Variants in AGBL4 observed in about 807,000 individuals in gnomAD.
AGBL4 encodes the protein cytosolic carboxypeptidase 6.
AGBL4 carries 58 observed loss-of-function variants against 66.4 expected under a neutral mutation model. The observed-to-expected ratio is 0.87, with a 90% confidence interval of 0.71 to 1.09. The LOEUF is 1.09. AGBL4 is among the 50% of genes least tolerant of loss of function. The probability of loss-of-function intolerance (pLI) is 0.00; values close to 1 mark genes in which losing one functional copy is unlikely to be tolerated. For missense variants in AGBL4, 579 were observed against 631.0 expected, an observed-to-expected ratio of 0.92 and a Z score of 0.88; for synonymous variants, 234 against 222.9, an observed-to-expected ratio of 1.05 and a Z score of -0.44.
At chr1:49,806,292 G>A (rs960392991) in intron 2 of AGBL4, among the ~76,000 whole-genome samples, 1 of 152,172 alleles carries the variant, frequency 6.6e-6, no homozygotes, top group Non-Finnish European at 1.5e-5. Flanking sequence ...ATGCAAAATG[G>A]AGAAAGGCAA....
intron 5 of AGBL4, among the ~76,000 whole-genome samples, chr1:49,010,450 C>G (rs1349642718): frequency 2.9e-5 from 4 of 137,690 alleles, no homozygotes; most frequent in Non-Finnish European, 6.2e-5. Context: ...AATGGCCATA[C>G]TGCCCAAGGT....
chr1:49,652,552 C>T (rs1371382518), intron 3 of AGBL4, among the ~76,000 whole-genome samples: 1 of 152,144 alleles, frequency 6.6e-6, no homozygotes, highest in African/African-American at 2.4e-5. Context: ...CAGTGAGGCA[C>T]AGCAGGCTGG....
chr1:49,556,709 C>T lies in AGBL4; in HGVS notation c.282+140604G>A, dbSNP rs75097381. Among the ~76,000 whole-genome samples, 111 of 152,104 alleles carry T rather than the reference C, an allele frequency of 7.3e-4. 4 individuals are homozygous for T. In the East Asian group the frequency reaches 0.018, roughly 24 times the overall value. On this transcript the variant is annotated intron_variant, in intron 3 of 13. Transcript: ENST00000371839. ...CTGCTAGTCCAGTGCTAGGTGCCGG[C>T]ACTCTTCAGCCCTTGGGCCGTCCAT...
At chr1:49,933,793 A>C (rs1295910290) in intron 1 of AGBL4, among the ~76,000 whole-genome samples, 1 of 152,150 alleles carries the variant, frequency 6.6e-6, no homozygotes, top group East Asian at 1.9e-4. Flanking sequence ...AAAGAAAAAG[A>C]GAAAGGAGTA....
At chr1:49,844,965 T>C in intron 2 of AGBL4, 1 of 1,375,172 alleles carries the variant, frequency 7.3e-7, no homozygotes, top group Non-Finnish European at 1.0e-6. Context: ...ATTTCCTACA[T>C]CAACCAATGA....
chr1:49,879,673 C>T (rs1266729245), intron 1 of AGBL4, among the ~76,000 whole-genome samples: 5 of 140,936 alleles, frequency 3.5e-5, no homozygotes, highest in East Asian at 2.0e-4. Flanking sequence ...ATCTTTATGG[C>T]GTTCTCTGTA....
chr1:48,768,988 T>C (rs1048574859), intron 6 of AGBL4, among the ~76,000 whole-genome samples: 17 of 152,234 alleles, frequency 1.1e-4, no homozygotes, highest in African/African-American at 4.1e-4. Context: ...TGCTGTGGTG[T>C]TGCAGAAAGA....
intron 6 of AGBL4, among the ~76,000 whole-genome samples, chr1:48,789,089 T>C (rs1645476720): frequency 6.6e-6 from 1 of 152,024 alleles, no homozygotes; most frequent in Non-Finnish European, 1.5e-5. Context: ...GCAACTGAGG[T>C]TCAGAGAGGG....
At chr1:49,130,330 T>G (rs902863829) in intron 4 of AGBL4, among the ~76,000 whole-genome samples, 14 of 152,228 alleles carry the variant, frequency 9.2e-5, no homozygotes, top group Non-Finnish European at 1.6e-4. Flanking sequence ...AGATCCCATT[T>G]GTCAATTTTG....
Position 49,650,638 on chromosome 1 carries a change from G to T in AGBL4, c.282+46675C>A, listed in dbSNP as rs544286771. 6.0e-4 allele frequency among the ~76,000 whole-genome samples: 91 copies of T among 152,310 alleles called. 1 individual carries two copies. In the South Asian group the frequency reaches 0.018, roughly 31 times the overall value. On this transcript the variant is annotated intron_variant, in intron 3 of 13. Coordinates refer to ENST00000371839, the MANE Select transcript of AGBL4 (RefSeq NM_032785.4). Reference sequence around the variant, plus strand: ...CCAGATCCCCTGCAAATATACCACAGACTCTTCTCTGACTTTGGCAACTAC... The same window carrying T: ...CCAGATCCCCTGCAAATATACCACATACTCTTCTCTGACTTTGGCAACTAC...
intron 3 of AGBL4, among the ~76,000 whole-genome samples, chr1:49,473,114 T>G (rs1646778572): frequency 6.6e-6 from 1 of 152,128 alleles, no homozygotes; most frequent in African/African-American, 2.4e-5. Context: ...GAGATAATCA[T>G]GCAAATGCAT....
intron 6 of AGBL4, among the ~76,000 whole-genome samples, chr1:48,746,967 C>A (rs1650868279): frequency 6.6e-6 from 1 of 152,130 alleles, no homozygotes; most frequent in African/African-American, 2.4e-5. Flanking sequence ...CAGGGAGGGC[C>A]CCTAGTGCTT....
chr1:49,650,704 A>C (rs748578591), intron 3 of AGBL4, among the ~76,000 whole-genome samples: 6 of 152,202 alleles, frequency 3.9e-5, no homozygotes, highest in Non-Finnish European at 8.8e-5. Flanking sequence ...GGATCCCTTC[A>C]ACATGGGCTG....
chr1:49,152,605 G>A (rs1469545211), intron 4 of AGBL4, among the ~76,000 whole-genome samples: 1 of 152,228 alleles, frequency 6.6e-6, no homozygotes, highest in Admixed American at 6.5e-5. Flanking sequence ...TGGAGCCTTA[G>A]AAGAGGTATT....
intron 5 of AGBL4, among the ~76,000 whole-genome samples, chr1:48,869,659 G>A (rs1225258989): frequency 6.6e-6 from 1 of 152,118 alleles, no homozygotes; most frequent in Admixed American, 6.5e-5. Context: ...ATGAGCAAGT[G>A]AGACTGAAAT....
chr1:49,756,526 A>G (rs1251025077), intron 2 of AGBL4, among the ~76,000 whole-genome samples: 3 of 152,218 alleles, frequency 2.0e-5, no homozygotes, highest in Non-Finnish European at 4.4e-5. Flanking sequence ...ACTTACTACT[A>G]TAGGTAGCAG....
At chr1:49,751,461 T>C (rs1651457528) in intron 2 of AGBL4, among the ~76,000 whole-genome samples, 1 of 152,204 alleles carries the variant, frequency 6.6e-6, no homozygotes, top group South Asian at 2.1e-4. Context: ...AGCTTTTTAA[T>C]GTGCTGCTGG....
chr1:49,311,988 C>T (rs1644949077), intron 3 of AGBL4, among the ~76,000 whole-genome samples: 1 of 151,922 alleles, frequency 6.6e-6, no homozygotes, highest in South Asian at 2.1e-4. Context: ...GTCCCATATA[C>T]AAGATTATGG....
At chr1:49,006,744 G>T (rs1661865061) in intron 5 of AGBL4, among the ~76,000 whole-genome samples, 1 of 151,336 alleles carries the variant, frequency 6.6e-6, no homozygotes, top group African/African-American at 2.4e-5. Context: ...GCCTAACTGG[G>T]AGGCACCCCC....
Sources: allele counts gnomAD v4.1 joint callset (sites outside exome capture counted in the v4.1 genomes callset), GRCh38; gene constraint gnomAD v4.1.1; transcripts MANE v1.5; gene names NCBI Gene and HGNC (gene_info 2026-07-23, HGNC 2026-07-21).